The following PLEKHA6 variants were observed in gnomAD, a reference collection of about 807,000 sequenced individuals.
The protein encoded by PLEKHA6 is pleckstrin homology domain containing A6.
Under a neutral mutation model 116.7 loss-of-function variants are expected in PLEKHA6, and 60 were observed. The observed-to-expected ratio is 0.51, with a 90% CI of 0.42 to 0.64. PLEKHA6 has a LOEUF of 0.64. Among genes scored for constraint, PLEKHA6 ranks in the 30% least tolerant of loss-of-function variants. PLEKHA6 has a pLI of 0.00. For synonymous variants in PLEKHA6, 489 were observed against 556.1 expected (o/e 0.88, Z 1.70); for missense variants, 1,338 against 1,422.7 (o/e 0.94, Z 0.96).
intron 1 of PLEKHA6, among the ~76,000 whole-genome samples, chr1:204,276,427 C>T (rs1049305853): frequency 7.9e-5 from 12 of 152,154 alleles, no homozygotes; most frequent in African/African-American, 2.2e-4. Flanking sequence ...AACTGTTTCC[C>T]GTTACTCTTG....
chr1:204,336,563 C>T (rs903061080), intron 1 of PLEKHA6, among the ~76,000 whole-genome samples: 14 of 148,926 alleles, frequency 9.4e-5, no homozygotes, highest in South Asian at 2.1e-4. Flanking sequence ...GGTGTGTGAG[C>T]GTGTGTGTGT....
chr1:204,332,772 A>C (rs1672503442), intron 1 of PLEKHA6, among the ~76,000 whole-genome samples: 1 of 151,998 alleles, frequency 6.6e-6, no homozygotes, highest in African/African-American at 2.4e-5. Context: ...AGCAGTCCCA[A>C]CTCTGAAACT....
At position 204,347,633 on chromosome 1, in the gene PLEKHA6, T is replaced by C. The variant is rs540228573; in HGVS notation, c.-95+12061A>G. On this transcript the variant is annotated intron_variant, in intron 1 of 22. Coordinates refer to ENST00000272203, the MANE Select transcript of PLEKHA6 (RefSeq NM_014935.5). ...AATCTTCACAATTTATGTTTAGAGA[T>C]TGCAGTAAAGACAGGCATAAGAAAT... is the stretch of plus-strand genomic sequence containing the variant. Among the ~76,000 whole-genome samples the C allele has an allele frequency of 2.5e-3, 381 of 151,880 alleles. 5 individuals carry two copies. The highest frequency in any genetic ancestry group is 8.8e-3 in the African/African-American group (365 of 41,442).
chr1:204,360,683 A>G (rs77802745), upstream of PLEKHA6, among the ~76,000 whole-genome samples: 15,742 of 152,234 alleles, frequency 0.1, 964 homozygotes, highest in Non-Finnish European at 0.13. Flanking sequence ...TGTTCTAATA[A>G]TAAACAAAAA....
chr1:204,268,874 CCTT>C (rs761334465), intron 3 of PLEKHA6, among the ~76,000 whole-genome samples: 16 of 152,172 alleles, frequency 1.1e-4, no homozygotes, highest in Non-Finnish European at 2.2e-4. Flanking sequence ...ACTGTTTAAT[CCTT>C]CTCATCACTG....
intron 3 of PLEKHA6, among the ~76,000 whole-genome samples, chr1:204,271,889 G>A (rs918704258): frequency 6.6e-6 from 1 of 151,846 alleles, no homozygotes; most frequent in Non-Finnish European, 1.5e-5. Context: ...CCTGTATCAC[G>A]TATTTTCTTT....
chr1:204,241,964 G>A (rs767086791), intron 15 of PLEKHA6, 150 bp from the exon 16 acceptor site: 72 of 813,230 alleles, frequency 8.9e-5, no homozygotes, highest in Admixed American at 3.3e-4. Flanking sequence ...CCTGGGAGGC[G>A]GACAGGAATG....
rs1187470846 is a variant in PLEKHA6 at position 204,289,769 on chromosome 1, T to A, written c.-94-14960A>T. On this transcript the variant is annotated intron_variant, in intron 1 of 22. Transcript: ENST00000272203. The stretch of plus-strand genomic sequence containing the variant: ...CTCATGCTTTTAGAGCCATTGTAAA[T>A]GTTTATCATGTCATGCAAATGCCCT... Among the ~76,000 whole-genome samples the A allele has an allele frequency of 2.0e-5, 3 of 152,362 alleles. No individual in the cohort carries two copies. The East Asian group carries it at 5.8e-4, about 29-fold the overall frequency.
chr1:204,347,888 G>A (rs1673123284), intron 1 of PLEKHA6, among the ~76,000 whole-genome samples: 1 of 152,144 alleles, frequency 6.6e-6, no homozygotes, highest in African/African-American at 2.4e-5. Flanking sequence ...CAATTTCACA[G>A]TGTAAATCAG....
Position 204,268,197 on chromosome 1 carries a change from G to T in PLEKHA6, c.207+11C>A, listed in dbSNP as rs753340818. On this transcript the variant is annotated intron_variant, in intron 4 of 22. Transcript: ENST00000272203. ...GAGGCTACGGTGGCCAGAACCGCAG[G>T]GTGGCCTCACCTGTTTGAAGAGCCA... 3.2e-5 allele frequency: 50 copies of T among 1,579,790 alleles called. No homozygotes were observed. Among genetic ancestry groups the T allele is most frequent in the Non-Finnish European group, 4.1e-5 (47 of 1,152,418 alleles).
At chr1:204,285,630 C>T (rs1163381088) in intron 1 of PLEKHA6, among the ~76,000 whole-genome samples, 1 of 152,148 alleles carries the variant, frequency 6.6e-6, no homozygotes, top group Non-Finnish European at 1.5e-5. Flanking sequence ...CACGGGCCAC[C>T]ACGCTTGGCT....
chr1:204,299,827 T>C (rs1365614481), intron 1 of PLEKHA6: 1 of 162,176 alleles, frequency 6.2e-6, no homozygotes, highest in Non-Finnish European at 1.3e-5. Flanking sequence ...TCTTTGTTCC[T>C]GTGGAAACTA....
chr1:204,234,457 C>T (rs1263765604), intron 17 of PLEKHA6, among the ~76,000 whole-genome samples: 1 of 152,212 alleles, frequency 6.6e-6, no homozygotes, highest in African/African-American at 2.4e-5. Context: ...TTCACACTAC[C>T]TTGGATCAGC....
At position 204,220,843 on chromosome 1, in the gene PLEKHA6, C is replaced by T. The variant is rs757407056; in HGVS notation, c.*1945G>A. On this transcript the variant is annotated 3_prime_UTR_variant, in exon 23 of 23. Coordinates refer to ENST00000272203, the MANE Select transcript of PLEKHA6 (RefSeq NM_014935.5). ...AGAGATGAGAGAGAGGTGGCAGAGGCGCAGACATTATTTCTTGGTATTTTA... is the reference window on the plus strand; with the variant it reads ...AGAGATGAGAGAGAGGTGGCAGAGGTGCAGACATTATTTCTTGGTATTTTA... The T allele has an allele frequency of 5.3e-5, 8 of 151,534 alleles. No individual in the cohort carries two copies. The highest frequency in any genetic ancestry group is 3.9e-4 in the East Asian group (2 of 5,188). The allele number at this position is 151,534 out of a possible 1,614,324, so 9.4% of individuals were successfully genotyped here. A position where few individuals can be genotyped will look rare whatever the true frequency, so the allele number is the denominator to read the frequency against.
At chr1:204,276,489 G>A (rs1260706996) in intron 1 of PLEKHA6, among the ~76,000 whole-genome samples, 1 of 152,078 alleles carries the variant, frequency 6.6e-6, no homozygotes, top group Non-Finnish European at 1.5e-5. Context: ...GCAGTCTGTG[G>A]CAACTACGGT....
intron 1 of PLEKHA6, among the ~76,000 whole-genome samples, chr1:204,290,395 G>T (rs182306878): frequency 2.8e-4 from 42 of 152,286 alleles, no homozygotes; most frequent in African/African-American, 9.9e-4. Flanking sequence ...TGGTCAATTG[G>T]TTTTTGACAA....
intron 3 of PLEKHA6, among the ~76,000 whole-genome samples, 188 bp from the exon 4 acceptor site, chr1:204,268,500 CA>C (rs1202001952): frequency 6.6e-6 from 1 of 151,220 alleles, no homozygotes; most frequent in Non-Finnish European, 1.5e-5. Flanking sequence ...AGTTCTTTGG[CA>C]ATTTTTCTCA....
chr1:204,279,009 C>T (rs936497855), intron 1 of PLEKHA6, among the ~76,000 whole-genome samples: 6 of 152,184 alleles, frequency 3.9e-5, no homozygotes, highest in East Asian at 3.8e-4. Context: ...TCTGCCCCCT[C>T]GCCCCCTCAC....
chr1:204,363,341 G>A (rs1355589083), upstream of PLEKHA6, among the ~76,000 whole-genome samples: 1 of 152,242 alleles, frequency 6.6e-6, no homozygotes, highest in African/African-American at 2.4e-5. Flanking sequence ...CCGTAGGCGC[G>A]CCAGGGCCGT....
Sources: gnomAD v4.1 joint callset for allele counts (sites outside exome capture counted in the v4.1 genomes callset) on GRCh38, gnomAD v4.1.1 for gene constraint, MANE v1.5 for transcripts, NCBI Gene and HGNC (gene_info 2026-07-23, HGNC 2026-07-21) for gene names.